The following TMEM25 variants were observed in gnomAD, a reference collection of about 807,000 sequenced individuals.
The protein encoded by TMEM25 is transmembrane protein 25.
Under a neutral mutation model 37.0 loss-of-function variants are expected in TMEM25, and 36 were observed. The observed-to-expected ratio is 0.97, with a 90% CI of 0.75 to 1.28. TMEM25 has a LOEUF of 1.28. TMEM25 is among the 50% of genes most tolerant of loss of function. TMEM25 has a pLI of 0.00. For missense variants in TMEM25, 444 were observed against 477.9 expected (o/e 0.93, Z 0.66); for synonymous variants, 197 against 203.7 (o/e 0.97, Z 0.28).
chr11:118,543,623 T>C lies in TMEM25; in HGVS notation c.1028-2496T>C, dbSNP rs892413161. On this transcript the variant is annotated intron_variant, in intron 8 of 8. Transcript: ENST00000354284. ...CTGTCAGCCTCCCGAGTAGCTGAGA[T>C]TACAGGTGCCCACCACCACACCCAG... 2.6e-5 allele frequency among the ~76,000 whole-genome samples: 4 copies of C among 151,540 alleles called. No homozygotes were observed. In the South Asian group the frequency reaches 6.3e-4, roughly 24 times the overall value.
rs782696538 is a variant in TMEM25 at position 118,532,783 on chromosome 11, A to G, written c.383-134A>G. 2.5e-4 allele frequency: 322 copies of G among 1,290,728 alleles called. 1 individual carries two copies. In the Middle Eastern group the frequency reaches 4.2e-3, roughly 17 times the overall value. The allele number at this position is 1,290,728 out of a possible 1,614,324, so 80.0% of individuals were successfully genotyped here. On this transcript the variant is annotated intron_variant, in intron 3 of 8. Coordinates refer to ENST00000313236, the MANE Select transcript of TMEM25 (RefSeq NM_032780.4). ...CTCCGAAATGCTGCCTCTCTGGCAG[A>G]CCCAGCCATCCTGTTCCTCAGCATC...
At chr11:118,532,595 A>G in intron 3 of TMEM25, 134 bp downstream of exon 3, 1 of 1,045,514 alleles carries the variant, frequency 9.6e-7, no homozygotes, top group Admixed American at 2.9e-5. Flanking sequence ...TGATCCTCTG[A>G]GTAACCCCAT....
intron 8 of TMEM25, chr11:118,545,636 A>T: frequency 2.8e-6 from 3 of 1,068,870 alleles, no homozygotes; most frequent in Non-Finnish European, 4.3e-6. Context: ...TAGTCACATA[A>T]GCCAAACACC....
chr11:118,534,087 C>T lies in TMEM25; in HGVS notation c.895C>T (p.Pro299Ser), dbSNP rs782304021. 2.5e-6 allele frequency: 4 copies of T among 1,614,044 alleles called. No homozygotes were observed. The African/African-American group carries it at 5.3e-5, about 22-fold the overall frequency. Reference sequence around the variant, plus strand: ...CCTGCCACGGGAGAACATGTCCCTCCCGTCCAACCTTCAGCTCAATGACCT... The same window carrying T: ...CCTGCCACGGGAGAACATGTCCCTCTCGTCCAACCTTCAGCTCAATGACCT... ...VRLPRENMSL[P>S]SNLQLNDLTP... The change falls in exon 7 of 9, where the codon CCG becomes TCG. Residue 299 changes from proline to serine, a missense_variant. Transcript: ENST00000313236. The surrounding 1 kb of genome is among the most constrained non-coding windows in gnomAD (Gnocchi z 4.6).
chr11:118,539,288 C>G (rs1231438013), downstream of TMEM25, among the ~76,000 whole-genome samples: 4 of 151,216 alleles, frequency 2.6e-5, no homozygotes, highest in African/African-American at 7.3e-5. Flanking sequence ...CTGCCTCAAC[C>G]TCCCAAGTAG....
At chr11:118,531,309 C>G (rs181484367) in intron 1 of TMEM25, 75 bp downstream of exon 1, 2 of 332,926 alleles carry the variant, frequency 6.0e-6, no homozygotes, top group South Asian at 3.0e-5. Context: ...CCTCTTCCGC[C>G]GACATCCACC....
intron 8 of TMEM25, among the ~76,000 whole-genome samples, chr11:118,541,055 C>A (rs1287628282): frequency 6.6e-6 from 1 of 152,084 alleles, no homozygotes; most frequent in African/African-American, 2.4e-5. Context: ...TGTGAACATA[C>A]TAAAAACACT....
At chr11:118,537,622 A>G (rs200357488), downstream of TMEM25, among the ~76,000 whole-genome samples, 9 of 146,304 alleles carry the variant, frequency 6.2e-5, no homozygotes, top group Admixed American at 6.0e-4. Context: ...TTGATTCTGG[A>G]TATTTGCTAT....
intron 8 of TMEM25, chr11:118,545,575 C>A: frequency 7.9e-7 from 1 of 1,273,654 alleles, no homozygotes. Context: ...ACAGGCAAAG[C>A]CCTGGCAGAT....
In TMEM25 at chr11:118,534,360, T is replaced by A; in HGVS notation, c.1027+5T>A. Reference sequence around the variant, plus strand: ...GCGGCCTCCTCACCAGCCAAGGTACTGGGGAAGGGGCCTGCCACCCTCCTC... The same window carrying A: ...GCGGCCTCCTCACCAGCCAAGGTACAGGGGAAGGGGCCTGCCACCCTCCTC... On this transcript the variant is annotated splice_donor_5th_base_variant and intron_variant, in intron 8 of 8. Transcript: ENST00000313236. This position sits in a 1 kb window ranked among gnomAD's most constrained non-coding sequence, Gnocchi z 4.6. The A allele has an allele frequency of 6.2e-7, 1 of 1,613,770 alleles. No homozygotes were observed. The highest frequency in any genetic ancestry group is 2.2e-5 in the East Asian group (1 of 44,872).
chr11:118,533,485 G>A lies in TMEM25; in HGVS notation c.739G>A (p.Gly247Ser), dbSNP rs1555060956. 3 of 1,614,050 alleles carry A rather than the reference G, an allele frequency of 1.9e-6. No homozygotes were observed. The African/African-American group carries it at 4.0e-5, about 22-fold the overall frequency. Reference sequence around the variant, plus strand: ...TGTTGTGGCTGCTGGGCTTGCACTGGGCACCCTCGTGGGGTTCAGCACCTT... The same window carrying A: ...TGTTGTGGCTGCTGGGCTTGCACTGAGCACCCTCGTGGGGTTCAGCACCTT... ...GIVVAAGLAL[G>S]TLVGFSTLVA... is the part of the protein sequence containing the mutation. The change falls in exon 5 of 9, where the codon GGC becomes AGC. Residue 247 changes from glycine (G) to serine (S), a missense_variant. Transcript: ENST00000313236.
At chr11:118,532,116 G>T in intron 2 of TMEM25, 34 bp from the exon 3 acceptor site, 1 of 1,508,806 alleles carries the variant, frequency 6.6e-7, no homozygotes, top group Non-Finnish European at 8.9e-7. Flanking sequence ...AACCGTGCCT[G>T]AGCCCTTCCC....
chr11:118,531,933 G>A, intron 2 of TMEM25, 62 bp downstream of exon 2: 1 of 1,535,042 alleles, frequency 6.5e-7, no homozygotes, highest in Non-Finnish European at 8.8e-7. Context: ...TCTCTCCCCT[G>A]TCTGCACTTC....
At chr11:118,538,214 C>G (rs1951535634), downstream of TMEM25, among the ~76,000 whole-genome samples, 1 of 152,074 alleles carries the variant, frequency 6.6e-6, no homozygotes. Flanking sequence ...CTCTGTCACC[C>G]AGGCTGGAGT....
chr11:118,534,401 C>G lies in TMEM25; in HGVS notation c.1027+46C>G, dbSNP rs1555062020. 1.2e-6 allele frequency: 2 copies of G among 1,611,316 alleles called. No homozygotes were observed. On this transcript the variant is annotated intron_variant, in intron 8 of 8. Transcript: ENST00000313236. The surrounding 1 kb of genome is among the most constrained non-coding windows in gnomAD (Gnocchi z 4.6). ...CACCCTCCTCCTCTGCCCCCCAGCC[C>G]TGTGCTTATGCCAGAGGCCTCCAAG...
intron 1 of TMEM25, 58 bp from the exon 2 acceptor site, chr11:118,531,717 A>C: frequency 8.1e-7 from 1 of 1,238,872 alleles, no homozygotes; most frequent in Non-Finnish European, 1.1e-6. Context: ...AAATTCCTGG[A>C]GCAATTGCTA....
chr11:118,546,303 G>A, exon 9 of TMEM25: 1 of 617,254 alleles, frequency 1.6e-6, no homozygotes, highest in Non-Finnish European at 3.0e-6. Context: ...TTCGAGACCA[G>A]CCTGGGCAAC....
At position 118,534,330 on chromosome 11, in the gene TMEM25, G is replaced by A; in HGVS notation, c.1002G>A (p.Glu334=). The change falls in exon 8 of 9, where the codon GAG becomes GAA. Residue 334 remains glutamate (E), a synonymous_variant. Transcript: ENST00000313236. This position sits in a 1 kb window ranked among gnomAD's most constrained non-coding sequence, Gnocchi z 4.6. ...GCCGGCCAGAGCTTCTGGACCCGGA[G>A]CCCGGCGGCCTCCTCACCAGCCAAG... The part of the protein sequence containing the change: ...NNSRPELLDP[E]PGGLLTSQGF... 6.2e-7 allele frequency: 1 copy of A among 1,614,062 alleles called. No homozygotes were observed.
At position 118,532,340 on chromosome 11, in the gene TMEM25, C is replaced by T. The variant is rs137861034; in HGVS notation, c.261C>T (p.Phe87=). Residue 87 remains phenylalanine, a synonymous_variant, in exon 3 of 9, where the codon TTC becomes TTT. Coordinates refer to ENST00000313236, the MANE Select transcript of TMEM25 (RefSeq NM_032780.4). ...SRLLSVGGEA[F]SGGTSTFTVT... is the part of the protein sequence containing the mutation. ...TGCTGAGCGTGGGAGGGGAGGCCTT[C>T]TCTGGAGGCACCAGCACCTTCACTG... The T allele has an allele frequency of 9.6e-4, 1,548 of 1,614,242 alleles. 7 individuals are homozygous for T. Among genetic ancestry groups the T allele is most frequent in the South Asian group, 2.2e-3 (201 of 91,088 alleles).
Sources: allele counts gnomAD v4.1 joint callset (sites outside exome capture counted in the v4.1 genomes callset), GRCh38; gene constraint gnomAD v4.1.1; non-coding constraint Gnocchi (gnomAD v3.1); transcripts MANE v1.5; gene names NCBI Gene and HGNC (gene_info 2026-07-23, HGNC 2026-07-21).